The following GRXCR1 variants were observed in gnomAD, a reference collection of about 807,000 sequenced individuals.
The protein encoded by GRXCR1 is glutaredoxin and cysteine rich domain containing 1.
GRXCR1 carries 27 observed loss-of-function variants against 27.3 expected under a neutral mutation model. The ratio of observed to expected loss-of-function variants is 0.99; its 90% confidence interval spans 0.73 to 1.37. GRXCR1 has a LOEUF of 1.37. Among genes scored for constraint, GRXCR1 ranks in the 40% most tolerant of loss-of-function variants. The pLI, the probability that GRXCR1 is intolerant of heterozygous loss-of-function variation, is 0.00. For missense variants in GRXCR1, 379 were observed against 354.4 expected (o/e 1.07, Z -0.56); for synonymous variants, 122 against 131.1 (o/e 0.93, Z 0.47).
At chr4:42,934,269 T>C (rs1368234228) in intron 1 of GRXCR1, among the ~76,000 whole-genome samples, 1 of 150,802 alleles carries the variant, frequency 6.6e-6, no homozygotes, top group Admixed American at 6.6e-5. Context: ...TATATATGTA[T>C]CCACACAGTT....
intron 1 of GRXCR1, among the ~76,000 whole-genome samples, chr4:42,922,860 G>T (rs1176519737): frequency 2.0e-5 from 3 of 152,052 alleles, no homozygotes; most frequent in African/African-American, 7.2e-5. Flanking sequence ...AGATGCCTCT[G>T]TGGTACTCAC....
intron 1 of GRXCR1, among the ~76,000 whole-genome samples, chr4:42,893,864 T>TAACA (rs1218865483): frequency 1.3e-5 from 2 of 152,174 alleles, no homozygotes; most frequent in African/African-American, 4.8e-5. Context: ...GCCAAATTTC[T>TAACA]AACACATAAG....
At chr4:42,982,301 C>T (rs1228105571) in intron 2 of GRXCR1, among the ~76,000 whole-genome samples, 113 of 142,638 alleles carry the variant, frequency 7.9e-4, no homozygotes, top group African/African-American at 2.2e-3. Flanking sequence ...TGAGAATATG[C>T]GGTGTTTGGT....
chr4:42,980,490 T>C (rs1748633937), intron 2 of GRXCR1, among the ~76,000 whole-genome samples: 1 of 152,052 alleles, frequency 6.6e-6, no homozygotes, highest in African/African-American at 2.4e-5. Context: ...TATATCATTG[T>C]AGTCAAGAAA....
At chr4:42,897,141 C>G (rs1231096424) in intron 1 of GRXCR1, among the ~76,000 whole-genome samples, 2 of 152,172 alleles carry the variant, frequency 1.3e-5, no homozygotes, top group Non-Finnish European at 2.9e-5. Flanking sequence ...CAACATATAG[C>G]TCATACCTGT....
intron 3 of GRXCR1, among the ~76,000 whole-genome samples, chr4:43,022,468 G>A (rs11730168): frequency 0.24 from 36,988 of 152,076 alleles, 4,704 homozygotes; most frequent in East Asian, 0.37. Flanking sequence ...CATTAAGTCT[G>A]TCTCCATTCT....
chr4:42,958,572 A>C (rs1748061507), intron 1 of GRXCR1, among the ~76,000 whole-genome samples: 1 of 152,016 alleles, frequency 6.6e-6, no homozygotes, highest in South Asian at 2.1e-4. Flanking sequence ...GGGAGCACGC[A>C]AAACTAAAAT....
chr4:42,932,581 T>C (rs1026048595), intron 1 of GRXCR1, among the ~76,000 whole-genome samples: 8 of 26,142 alleles, frequency 3.1e-4, no homozygotes, highest in Non-Finnish European at 3.9e-4. Flanking sequence ...CCCTTCCATA[T>C]ATATATATAT....
chr4:42,952,031 G>T (rs1026831850), intron 1 of GRXCR1, among the ~76,000 whole-genome samples: 2 of 152,122 alleles, frequency 1.3e-5, no homozygotes, highest in African/African-American at 4.8e-5. Flanking sequence ...ACACTCTGAA[G>T]AAATCTTTTT....
At chr4:42,952,163 G>T (rs572198972) in intron 1 of GRXCR1, among the ~76,000 whole-genome samples, 5 of 152,242 alleles carry the variant, frequency 3.3e-5, no homozygotes, top group African/African-American at 1.2e-4. Flanking sequence ...TTCATGATCA[G>T]AATTGATAGC....
chr4:42,905,088 G>A (rs1378223054), intron 1 of GRXCR1, among the ~76,000 whole-genome samples: 1 of 152,212 alleles, frequency 6.6e-6, no homozygotes, highest in Non-Finnish European at 1.5e-5. Context: ...CTCCGACCCT[G>A]CCACACAAAC....
At chr4:42,945,766 A>G (rs952845918) in intron 1 of GRXCR1, among the ~76,000 whole-genome samples, 2 of 152,190 alleles carry the variant, frequency 1.3e-5, no homozygotes, top group African/African-American at 4.8e-5. Context: ...GTAGTAAAGG[A>G]TAACGATGCT....
chr4:42,905,871 T>C (rs1157880889), intron 1 of GRXCR1, among the ~76,000 whole-genome samples: 1 of 152,116 alleles, frequency 6.6e-6, no homozygotes, highest in Non-Finnish European at 1.5e-5. Flanking sequence ...CATGGGAGGA[T>C]GGGGTTGGAA....
chr4:42,967,818 AG>A (rs1748282704), intron 2 of GRXCR1, among the ~76,000 whole-genome samples: 1 of 152,116 alleles, frequency 6.6e-6, no homozygotes, highest in Non-Finnish European at 1.5e-5. Flanking sequence ...TTTTCTAGTC[AG>A]GGCCAGAATA....
intron 2 of GRXCR1, among the ~76,000 whole-genome samples, chr4:43,003,595 G>A (rs1477398865): frequency 6.6e-6 from 1 of 152,188 alleles, no homozygotes; most frequent in Non-Finnish European, 1.5e-5. Context: ...CTTGAGAACT[G>A]GAGCAAAGGT....
chr4:43,020,614 AATG>A, intron 3 of GRXCR1, among the ~76,000 whole-genome samples, 195 bp downstream of exon 3: 1 of 152,306 alleles, frequency 6.6e-6, no homozygotes, highest in South Asian at 2.1e-4. Flanking sequence ...GTTAACTTCT[AATG>A]ATCTCATACT....
chr4:42,987,223 T>TATATATTATATATAC, intron 2 of GRXCR1, among the ~76,000 whole-genome samples: 1 of 46,264 alleles, frequency 2.2e-5, no homozygotes, highest in Non-Finnish European at 4.4e-5. Flanking sequence ...ATATATATAT[T>TATATATTATATATAC]ATATATTATA....
chr4:42,991,120 A>T (rs564178665), intron 2 of GRXCR1, among the ~76,000 whole-genome samples: 183 of 152,194 alleles, frequency 1.2e-3, no homozygotes, highest in Non-Finnish European at 2.1e-3. Flanking sequence ...GTAAATGAAT[A>T]CTCAGATGGC....
rs1423484441 is a variant in GRXCR1, at chr4:43,020,772, A to G, written c.693+353A>G. Among the ~76,000 whole-genome samples, 3 of 152,232 alleles carry G rather than the reference A, an allele frequency of 2.0e-5. No homozygotes were observed. In the East Asian group the frequency reaches 5.8e-4, roughly 29 times the overall value. On this transcript the variant is annotated intron_variant, in intron 3 of 3. Transcript: ENST00000399770. ...CTTTATTTTTCCCATGGATCTTCCT[A>G]CATATAGAAGAGCTTACTACATCAT...
Sources: allele counts gnomAD v4.1 joint callset (sites outside exome capture counted in the v4.1 genomes callset), GRCh38; gene constraint gnomAD v4.1.1; transcripts MANE v1.5; gene names NCBI Gene and HGNC (gene_info 2026-07-23, HGNC 2026-07-21).